The following NEGR1 variants were observed in gnomAD, a reference collection of about 807,000 sequenced individuals.
The protein encoded by NEGR1 is neuronal growth regulator 1.
NEGR1 carries 10 observed loss-of-function variants against 40.9 expected under a neutral mutation model. The observed-to-expected ratio is 0.24, with a 90% CI of 0.15 to 0.42. The LOEUF (loss-of-function observed/expected upper bound fraction) is 0.42, where lower values mean the gene tolerates loss of function less well. Ranked by LOEUF, NEGR1 falls within the 10% of genes least tolerant of loss-of-function variation. The pLI is 1.00. For missense variants in NEGR1, 352 were observed against 438.9 expected, an observed-to-expected ratio of 0.80 and a Z score of 1.77; for synonymous variants, 185 against 166.8, an observed-to-expected ratio of 1.11 and a Z score of -0.84.
At chr1:72,129,161 T>G (rs919328032) in intron 1 of NEGR1, among the ~76,000 whole-genome samples, 1 of 152,112 alleles carries the variant, frequency 6.6e-6, no homozygotes, top group Non-Finnish European at 1.5e-5. Flanking sequence ...ATAATAAAGG[T>G]ATTTATATAT....
chr1:71,894,528 C>T (rs1660911106), intron 2 of NEGR1, among the ~76,000 whole-genome samples: 1 of 152,164 alleles, frequency 6.6e-6, no homozygotes, highest in Admixed American at 6.5e-5. Flanking sequence ...GTGTTATTTT[C>T]CCCATTTGAC....
chr1:72,055,807 T>C (rs1647104897), intron 1 of NEGR1, among the ~76,000 whole-genome samples: 1 of 147,004 alleles, frequency 6.8e-6, no homozygotes, highest in Admixed American at 6.9e-5. Context: ...ATTATATATA[T>C]ATATAATCTG....
intron 2 of NEGR1, among the ~76,000 whole-genome samples, chr1:71,787,378 A>C (rs1656949738): frequency 6.6e-6 from 1 of 152,168 alleles, no homozygotes; most frequent in Admixed American, 6.5e-5. Flanking sequence ...AAACAAAAAT[A>C]TCTAATGTTA....
intron 2 of NEGR1, among the ~76,000 whole-genome samples, chr1:71,826,223 G>A (rs1658618341): frequency 6.6e-6 from 1 of 151,886 alleles, no homozygotes; most frequent in African/African-American, 2.4e-5. Flanking sequence ...GCAATCAAGT[G>A]TGTTCTCTGT....
At chr1:72,161,806 G>A (rs1651574977) in intron 1 of NEGR1, among the ~76,000 whole-genome samples, 1 of 149,092 alleles carries the variant, frequency 6.7e-6, no homozygotes, top group South Asian at 2.1e-4. Flanking sequence ...AGCCTCCCAA[G>A]TAGCTGGGAC....
At chr1:72,056,221 T>A (rs1647108769) in intron 1 of NEGR1, among the ~76,000 whole-genome samples, 1 of 151,324 alleles carries the variant, frequency 6.6e-6, no homozygotes, top group East Asian at 1.9e-4. Flanking sequence ...TTAACCAAAA[T>A]TTTCTTTTTA....
chr1:71,657,395 A>G (rs956710437), intron 4 of NEGR1, among the ~76,000 whole-genome samples: 2 of 152,244 alleles, frequency 1.3e-5, no homozygotes, highest in African/African-American at 4.8e-5. Context: ...TCACACTAAT[A>G]AATAACATGA....
intron 6 of NEGR1, among the ~76,000 whole-genome samples, chr1:71,562,428 G>A (rs1027487664): frequency 7.2e-5 from 2 of 27,936 alleles, no homozygotes; most frequent in Admixed American, 2.9e-4. Flanking sequence ...CCATTACCCC[G>A]TCACACTCTT....
intron 6 of NEGR1, among the ~76,000 whole-genome samples, chr1:71,535,377 A>C (rs1281387693): frequency 1.3e-5 from 2 of 151,740 alleles, no homozygotes; most frequent in African/African-American, 2.4e-5. Flanking sequence ...TAGCTATCCC[A>C]ATGAACCAAG....
At chr1:71,633,571 T>C (rs1233835606) in intron 4 of NEGR1, among the ~76,000 whole-genome samples, 1 of 151,978 alleles carries the variant, frequency 6.6e-6, no homozygotes, top group Non-Finnish European at 1.5e-5. Context: ...TAACTAAACA[T>C]GGAAACTGGG....
chr1:71,931,940 T>C (rs1015635660), intron 2 of NEGR1, among the ~76,000 whole-genome samples: 3 of 152,110 alleles, frequency 2.0e-5, no homozygotes, highest in Non-Finnish European at 4.4e-5. Context: ...TTCAAAACAG[T>C]GAATAATAGG....
chr1:72,114,208 T>G (rs1332850591), intron 1 of NEGR1, among the ~76,000 whole-genome samples: 1 of 151,602 alleles, frequency 6.6e-6, no homozygotes, highest in Non-Finnish European at 1.5e-5. Context: ...CAGGAGACTT[T>G]AAGTAAAGCA....
intron 6 of NEGR1, among the ~76,000 whole-genome samples, chr1:71,568,829 CGT>C (rs35692576): frequency 0.42 from 62,370 of 147,416 alleles, 13,853 homozygotes; most frequent in South Asian, 0.55. Context: ...TATATGTATA[CGT>C]GTGTGTGTGT....
At chr1:72,274,365 C>T (rs1007533279) in intron 1 of NEGR1, among the ~76,000 whole-genome samples, 3 of 152,040 alleles carry the variant, frequency 2.0e-5, no homozygotes, top group Non-Finnish European at 4.4e-5. Context: ...ATAGGGAAAA[C>T]TTCTGGATGC....
intron 6 of NEGR1, among the ~76,000 whole-genome samples, chr1:71,430,276 C>T (rs1396734804): frequency 6.6e-6 from 1 of 152,156 alleles, no homozygotes; most frequent in African/African-American, 2.4e-5. Context: ...ATTTAGATCT[C>T]AGATCCTTTC....
intron 1 of NEGR1, among the ~76,000 whole-genome samples, chr1:72,046,920 A>T (rs1465895402): frequency 6.6e-6 from 1 of 151,662 alleles, no homozygotes; most frequent in Non-Finnish European, 1.5e-5. Flanking sequence ...GCTATTTCAC[A>T]GGCTGTTGGG....
chr1:72,019,660 T>C (rs1205471726), intron 1 of NEGR1, among the ~76,000 whole-genome samples: 1 of 152,236 alleles, frequency 6.6e-6, no homozygotes. Flanking sequence ...CTTCTCTTTT[T>C]ATAAAAGCTG....
chr1:72,082,778 T>TA (rs1648059484), intron 1 of NEGR1, among the ~76,000 whole-genome samples: 1 of 152,106 alleles, frequency 6.6e-6, no homozygotes, highest in African/African-American at 2.4e-5. Context: ...GCCTTGTTGT[T>TA]AGAGTACCAT....
intron 1 of NEGR1, among the ~76,000 whole-genome samples, chr1:72,165,518 A>C (rs948641569): frequency 1.3e-5 from 2 of 151,970 alleles, no homozygotes; most frequent in African/African-American, 2.4e-5. Flanking sequence ...AAGCATTACA[A>C]ATAGTGTTTC....
Sources: allele counts gnomAD v4.1 joint callset (sites outside exome capture counted in the v4.1 genomes callset), GRCh38; gene constraint gnomAD v4.1.1; transcripts MANE v1.5; gene names NCBI Gene and HGNC (gene_info 2026-07-23, HGNC 2026-07-21).